The following CACNA1C variants were observed in gnomAD, a reference collection of about 807,000 sequenced individuals.
The protein encoded by CACNA1C is voltage-dependent L-type calcium channel subunit alpha-1C.
A neutral mutation model predicts 229.0 loss-of-function variants in CACNA1C; 30 were observed. The ratio of observed to expected loss-of-function variants is 0.13; its 90% CI spans 0.10 to 0.18. The LOEUF (loss-of-function observed/expected upper bound fraction) is 0.18, where lower values mean the gene tolerates loss of function less well. Ranked by LOEUF, CACNA1C falls within the 10% of genes least tolerant of loss-of-function variation. CACNA1C has a pLI of 1.00. For missense variants in CACNA1C, 1,658 were observed against 2,845.0 expected, an observed-to-expected ratio of 0.58 and a Z score of 9.49; for synonymous variants, 1,114 against 1,132.5, an observed-to-expected ratio of 0.98 and a Z score of 0.33.
rs1354950809 is a variant in CACNA1C, at chr12:2,504,156, T to C, written c.1114-686T>C. Among the ~76,000 whole-genome samples, 1 of 152,166 alleles carries C rather than the reference T, an allele frequency of 6.6e-6. No individual in the cohort carries two copies. The highest frequency in any genetic ancestry group is 6.5e-5 in the Admixed American group (1 of 15,282). On this transcript the variant is annotated intron_variant, in intron 7 of 46. Coordinates refer to ENST00000399655, the MANE Select transcript of CACNA1C (RefSeq NM_000719.7). This position sits in a 1 kb window ranked among gnomAD's most constrained non-coding sequence, Gnocchi z 6.8. The stretch of plus-strand genomic sequence containing the variant: ...GAGGTGACCCATTTTCTCAGACAAG[T>C]GAATAGAAAACATTGGAGAAATGTT...
intron 3 of CACNA1C, among the ~76,000 whole-genome samples, chr12:2,201,770 C>A (rs376058524): frequency 6.6e-6 from 1 of 152,192 alleles, no homozygotes; most frequent in African/African-American, 2.4e-5. Flanking sequence ...GAGTGAGGAA[C>A]CCTCTCCAAG....
intron 8 of CACNA1C, among the ~76,000 whole-genome samples, chr12:2,511,046 G>C (rs1041674130): frequency 1.3e-5 from 2 of 152,148 alleles, no homozygotes; most frequent in African/African-American, 4.8e-5. Flanking sequence ...TAGCATAAAA[G>C]TCCTTGGGAA....
At chr12:2,168,350 G>A (rs973632131) in intron 3 of CACNA1C, among the ~76,000 whole-genome samples, 1 of 152,208 alleles carries the variant, frequency 6.6e-6, no homozygotes, top group South Asian at 2.1e-4. Context: ...TCTGGAAGAT[G>A]AGGGGTTGAA....
At chr12:2,628,285 A>G (rs975285050) in intron 29 of CACNA1C, among the ~76,000 whole-genome samples, 9 of 152,218 alleles carry the variant, frequency 5.9e-5, no homozygotes, top group African/African-American at 2.2e-4. Context: ...CCCTCTCGAT[A>G]AAAGAAGAGT....
intron 3 of CACNA1C, among the ~76,000 whole-genome samples, chr12:2,308,083 A>G (rs566837344): frequency 2.0e-5 from 3 of 152,216 alleles, no homozygotes; most frequent in Non-Finnish European, 4.4e-5. Context: ...TACATAGTAA[A>G]GAACCAAAAC....
chr12:2,685,039 A>G (rs914820977), intron 43 of CACNA1C, among the ~76,000 whole-genome samples: 6 of 152,188 alleles, frequency 3.9e-5, no homozygotes, highest in African/African-American at 1.4e-4. Flanking sequence ...TTTTAATAAA[A>G]ATAGAACAGA....
chr12:1,987,263 T>C (rs769024788), intron 1 of CACNA1C, among the ~76,000 whole-genome samples: 13 of 152,352 alleles, frequency 8.5e-5, no homozygotes, highest in Middle Eastern at 3.4e-3. Context: ...CATATGCTAG[T>C]GCTGTATTTC....
At chr12:2,419,546 C>T (rs2098952749) in intron 3 of CACNA1C, among the ~76,000 whole-genome samples, 1 of 152,102 alleles carries the variant, frequency 6.6e-6, no homozygotes, top group Non-Finnish European at 1.5e-5. Context: ...TTTCTGTCAT[C>T]CCAGATCTAC....
chr12:2,058,109 T>C (rs768279356), intron 1 of CACNA1C, among the ~76,000 whole-genome samples: 1 of 152,222 alleles, frequency 6.6e-6, no homozygotes, highest in African/African-American at 2.4e-5. Context: ...GGCATTTTCT[T>C]TTCTATTCCT....
chr12:2,143,954 G>A (rs780070457), intron 3 of CACNA1C, among the ~76,000 whole-genome samples: 19 of 149,902 alleles, frequency 1.3e-4, no homozygotes, highest in Middle Eastern at 3.4e-3. Context: ...GATGTAAGTT[G>A]TGTCTTTACT....
chr12:2,627,068 G>A lies in CACNA1C; in HGVS notation c.3829-7229G>A, dbSNP rs185031850. ...AGAGCAGCCCCCCTCGCCTCCACCC[G>A]CCTGGGGTCCTCTCACGAGGCAAGC... On this transcript the variant is annotated intron_variant, in intron 29 of 46. Transcript: ENST00000399655. Among the ~76,000 whole-genome samples the A allele has an allele frequency of 1.7e-3, 260 of 152,160 alleles. 1 individual carries two copies. Among genetic ancestry groups the A allele is most frequent in the African/African-American group, 5.8e-3 (240 of 41,520 alleles).
At chr12:2,175,005 C>T (rs2096605425) in intron 3 of CACNA1C, among the ~76,000 whole-genome samples, 1 of 152,104 alleles carries the variant, frequency 6.6e-6, no homozygotes, top group African/African-American at 2.4e-5. Context: ...TCTCGGGTGG[C>T]AGAGGCAGAA....
chr12:2,597,785 G>C lies in CACNA1C; in HGVS notation c.2853+496G>C, dbSNP rs2069163404. ...CAACATTAAGGCTGCCATTTCACTG[G>C]TTGGGGCTGCAGCCGTCAGCAGCGC... On this transcript the variant is annotated intron_variant, in intron 21 of 46. Coordinates refer to ENST00000399655, the MANE Select transcript of CACNA1C (RefSeq NM_000719.7). The surrounding 1 kb of genome is among the most constrained non-coding windows in gnomAD (Gnocchi z 4.3). Among the ~76,000 whole-genome samples, 1 of 152,166 alleles carries C rather than the reference G, an allele frequency of 6.6e-6. No individual in the cohort carries two copies. The highest frequency in any genetic ancestry group is 2.4e-5 in the African/African-American group (1 of 41,442).
At chr12:2,675,204 T>C (rs1029543691) in intron 39 of CACNA1C, among the ~76,000 whole-genome samples, 3 of 152,184 alleles carry the variant, frequency 2.0e-5, no homozygotes, top group Non-Finnish European at 4.4e-5. Context: ...ATACATATAA[T>C]TTCCAAAATA....
Position 2,121,609 on chromosome 12 carries a change from T to C in CACNA1C, c.477+1179T>C, listed in dbSNP as rs757196129. ...TTTCAAAGCTGGGCACACCACTGAG[T>C]GATGGCATGGCCAGAGTCGGAAGGC... On this transcript the variant is annotated intron_variant, in intron 3 of 46. Coordinates refer to ENST00000399655, the MANE Select transcript of CACNA1C (RefSeq NM_000719.7). Among the ~76,000 whole-genome samples, 69 of 152,094 alleles carry C rather than the reference T, an allele frequency of 4.5e-4. 1 individual carries two copies. Among genetic ancestry groups the C allele is most frequent in the Admixed American group, 2.0e-4 (3 of 15,268 alleles).
intron 14 of CACNA1C, 142 bp from the exon 15 acceptor site, chr12:2,582,680 A>G: frequency 1.3e-6 from 1 of 780,686 alleles, no homozygotes; most frequent in Non-Finnish European, 2.1e-6. Flanking sequence ...CCTGGGGAGG[A>G]GAATTGGGGG....
At chr12:2,620,004 C>G (rs1022054277) in intron 29 of CACNA1C, among the ~76,000 whole-genome samples, 2 of 152,214 alleles carry the variant, frequency 1.3e-5, no homozygotes, top group African/African-American at 2.4e-5. Context: ...AGTCGATAAT[C>G]AATGCCTACA....
At chr12:1,980,436 T>A (rs2035771702) in intron 1 of CACNA1C, among the ~76,000 whole-genome samples, 1 of 152,148 alleles carries the variant, frequency 6.6e-6, no homozygotes, top group South Asian at 2.1e-4. Flanking sequence ...TGTCTTTCTG[T>A]TGTTAATTTC....
intron 39 of CACNA1C, 119 bp from the exon 40 acceptor site, chr12:2,676,975 A>T: frequency 1.3e-6 from 1 of 783,984 alleles, no homozygotes; most frequent in Non-Finnish European, 2.1e-6. Context: ...TGAATGTATT[A>T]CCTCTCCAAA....
Sources: gnomAD v4.1 joint callset for allele counts (sites outside exome capture counted in the v4.1 genomes callset) on GRCh38, gnomAD v4.1.1 for gene constraint, Gnocchi (gnomAD v3.1) non-coding constraint, MANE v1.5 for transcripts, NCBI Gene and HGNC (gene_info 2026-07-23, HGNC 2026-07-21) for gene names.